Variants in NKAIN3 observed in about 807,000 individuals in gnomAD.
NKAIN3 encodes sodium/potassium transporting ATPase interacting 3.
In NKAIN3, 25 loss-of-function variants were observed where a neutral mutation model predicts 30.2. The ratio of observed to expected loss-of-function variants is 0.83; its 90% confidence interval spans 0.60 to 1.16. The LOEUF (loss-of-function observed/expected upper bound fraction) is 1.16, where lower values mean the gene tolerates loss of function less well. Among genes scored for constraint, NKAIN3 ranks in the 50% most tolerant of loss-of-function variants. The probability of loss-of-function intolerance (pLI) is 0.00; values close to 1 mark genes in which losing one functional copy is unlikely to be tolerated. For synonymous variants in NKAIN3, 91 were observed against 89.6 expected, an observed-to-expected ratio of 1.02 and a Z score of -0.09; for missense variants, 225 against 254.1, an observed-to-expected ratio of 0.89 and a Z score of 0.78.
intron 1 of NKAIN3, among the ~76,000 whole-genome samples, chr8:62,314,115 C>T (rs993962543): frequency 6.6e-6 from 1 of 152,072 alleles, no homozygotes; most frequent in African/African-American, 2.4e-5. Flanking sequence ...TCTTCCCAGG[C>T]ACTCAGAATA....
intron 4 of NKAIN3, among the ~76,000 whole-genome samples, chr8:62,765,724 G>A (rs1471256346): frequency 1.3e-5 from 2 of 151,950 alleles, no homozygotes; most frequent in African/African-American, 4.8e-5. Flanking sequence ...AATCATATTC[G>A]AGTAAATATG....
chr8:62,679,596 G>A (rs1813588806), intron 3 of NKAIN3, among the ~76,000 whole-genome samples: 2 of 152,296 alleles, frequency 1.3e-5, no homozygotes, highest in South Asian at 2.1e-4. Flanking sequence ...CTGCTTCTGG[G>A]GAGGTGTCAG....
rs142496429 is a variant in NKAIN3, at chr8:62,309,888, T to C, written c.54+60761T>C. On this transcript the variant is annotated intron_variant, in intron 1 of 6. Coordinates refer to ENST00000623646, the MANE Select transcript of NKAIN3 (RefSeq NM_001304533.3). ...GCAACATACCCTGAAATAGATGAGA[T>C]GGAATATCCCTGAAACTCATCTATT... 8.0e-4 allele frequency among the ~76,000 whole-genome samples: 121 copies of C among 150,454 alleles called. 8 individuals are homozygous for C. Among genetic ancestry groups the C allele is most frequent in the African/African-American group, 2.9e-3 (114 of 39,858 alleles).
chr8:62,623,907 A>G (rs1288813048), intron 3 of NKAIN3, among the ~76,000 whole-genome samples: 1 of 152,076 alleles, frequency 6.6e-6, no homozygotes, highest in Non-Finnish European at 1.5e-5. Context: ...AACTGATTAT[A>G]CTTATACTTA....
intron 4 of NKAIN3, among the ~76,000 whole-genome samples, chr8:62,794,171 T>C (rs1229508704): frequency 1.3e-5 from 2 of 152,242 alleles, no homozygotes; most frequent in African/African-American, 4.8e-5. Context: ...TAGTAGCCTT[T>C]GCACATAAAG....
rs1323356099 is a variant in NKAIN3, at chr8:62,969,108, T to C, written c.*3701T>C. ...TTACCACTTCAAATCTGGGAGGTGGTTGGCTCATTTGTTTTGAAGATACTC... is the reference window on the plus strand; with the variant it reads ...TTACCACTTCAAATCTGGGAGGTGGCTGGCTCATTTGTTTTGAAGATACTC... On this transcript the variant is annotated 3_prime_UTR_variant, in exon 7 of 7. Coordinates refer to ENST00000623646, the MANE Select transcript of NKAIN3 (RefSeq NM_001304533.3). Among the ~76,000 whole-genome samples the C allele has an allele frequency of 1.3e-5, 2 of 152,210 alleles. No individual in the cohort carries two copies. The highest frequency in any genetic ancestry group is 4.8e-5 in the African/African-American group (2 of 41,466).
intron 1 of NKAIN3, among the ~76,000 whole-genome samples, chr8:62,519,747 C>A (rs1297722525): frequency 6.6e-6 from 1 of 152,140 alleles, no homozygotes; most frequent in Non-Finnish European, 1.5e-5. Flanking sequence ...TATAACACTG[C>A]TCTTATATTC....
chr8:62,768,063 G>A (rs541705783), intron 4 of NKAIN3, among the ~76,000 whole-genome samples: 74 of 152,196 alleles, frequency 4.9e-4, no homozygotes, highest in African/African-American at 1.7e-3. Flanking sequence ...CCCTGACAAA[G>A]GGTGATGCAG....
intron 1 of NKAIN3, among the ~76,000 whole-genome samples, chr8:62,443,242 T>C (rs929618864): frequency 3.3e-5 from 5 of 152,118 alleles, no homozygotes; most frequent in Non-Finnish European, 4.4e-5. Flanking sequence ...TTCTGCTTTT[T>C]TGTATTTCAA....
chr8:62,552,651 G>A (rs1232034386), intron 1 of NKAIN3, among the ~76,000 whole-genome samples: 1 of 152,150 alleles, frequency 6.6e-6, no homozygotes, highest in East Asian at 1.9e-4. Flanking sequence ...TAATGCTCTT[G>A]ACAAGTATGT....
chr8:62,741,413 AG>A (rs1815879055), intron 3 of NKAIN3, among the ~76,000 whole-genome samples: 1 of 141,688 alleles, frequency 7.1e-6, no homozygotes, highest in African/African-American at 3.0e-5. Flanking sequence ...GAAGGAAGGA[AG>A]GAAGGAAGGC....
intron 4 of NKAIN3, among the ~76,000 whole-genome samples, chr8:62,850,667 C>T (rs148495943): frequency 0.87 from 130,997 of 151,208 alleles, 56,977 homozygotes; most frequent in African/African-American, 0.93. Flanking sequence ...TTCAGCTTTC[C>T]ACATATGGCT....
At chr8:62,878,512 A>T (rs10096177) in intron 4 of NKAIN3, among the ~76,000 whole-genome samples, 70,551 of 151,434 alleles carry the variant, frequency 0.47, 18,148 homozygotes, top group African/African-American at 0.7. Flanking sequence ...TTGTGTTTTT[A>T]TTATTATTAT....
chr8:62,658,187 C>A (rs1454328042), intron 3 of NKAIN3, among the ~76,000 whole-genome samples: 1 of 152,066 alleles, frequency 6.6e-6, no homozygotes, highest in Non-Finnish European at 1.5e-5. Context: ...CTATGAAGAC[C>A]CAGTTCTCTG....
At chr8:62,707,215 A>G (rs543264702) in intron 3 of NKAIN3, among the ~76,000 whole-genome samples, 35 of 152,228 alleles carry the variant, frequency 2.3e-4, no homozygotes, top group African/African-American at 8.4e-4. Flanking sequence ...TTTTCAAATA[A>G]TGACTTGTTT....
chr8:62,887,015 A>G lies in NKAIN3; in HGVS notation c.472-31438A>G, dbSNP rs984969755. ...TGAACTCACTCTTTTTTATGGCTGCATAGTATTCCATGGTGTCTATGTGTC... is the reference window on the plus strand; with the variant it reads ...TGAACTCACTCTTTTTTATGGCTGCGTAGTATTCCATGGTGTCTATGTGTC... On this transcript the variant is annotated intron_variant, in intron 4 of 6. Coordinates refer to ENST00000623646, the MANE Select transcript of NKAIN3 (RefSeq NM_001304533.3). Among the ~76,000 whole-genome samples the G allele has an allele frequency of 3.9e-5, 6 of 152,306 alleles. No individual in the cohort carries two copies. In the South Asian group the frequency reaches 1.2e-3, roughly 32 times the overall value.
intron 3 of NKAIN3, among the ~76,000 whole-genome samples, chr8:62,746,177 T>G (rs1234469700): frequency 6.6e-6 from 1 of 152,200 alleles, no homozygotes; most frequent in African/African-American, 2.4e-5. Context: ...CCACTTTTGG[T>G]GGCTGGCAGC....
At chr8:62,839,927 A>G (rs1475097353) in intron 4 of NKAIN3, among the ~76,000 whole-genome samples, 1 of 152,150 alleles carries the variant, frequency 6.6e-6, no homozygotes, top group Non-Finnish European at 1.5e-5. Flanking sequence ...TAAGACATTT[A>G]TAAAATGCCT....
At chr8:62,721,200 G>T (rs996862360) in intron 3 of NKAIN3, among the ~76,000 whole-genome samples, 12 of 152,086 alleles carry the variant, frequency 7.9e-5, no homozygotes, top group Non-Finnish European at 1.2e-4. Flanking sequence ...CCCAAATAGA[G>T]CCAAATATAC....
Sources: allele counts gnomAD v4.1 joint callset (sites outside exome capture counted in the v4.1 genomes callset), GRCh38; gene constraint gnomAD v4.1.1; transcripts MANE v1.5; gene names NCBI Gene and HGNC (gene_info 2026-07-23, HGNC 2026-07-21).